MVB12B: variants seen among roughly 807,000 people sequenced by gnomAD.
MVB12B encodes multivesicular body subunit 12B, also known as ESCRT-I complex subunit MVB12B.
In MVB12B, 16 loss-of-function variants were observed where a neutral mutation model predicts 41.6. That is an observed-to-expected ratio of 0.38 (90% CI 0.26 to 0.58). MVB12B has a LOEUF of 0.58. MVB12B is among the 20% of genes least tolerant of loss of function. MVB12B has a pLI of 0.62. For synonymous variants in MVB12B, 133 were observed against 139.7 expected (o/e 0.95, Z 0.34); for missense variants, 274 against 380.2 (o/e 0.72, Z 2.32).
At chr9:126,405,368 G>A (rs1441158535) in intron 6 of MVB12B, among the ~76,000 whole-genome samples, 1 of 152,018 alleles carries the variant, frequency 6.6e-6, no homozygotes, top group Non-Finnish European at 1.5e-5. Context: ...TTTGAGAAAG[G>A]CTTTTTTCAG....
chr9:126,424,375 T>A (rs555653218), intron 7 of MVB12B, among the ~76,000 whole-genome samples: 1 of 152,180 alleles, frequency 6.6e-6, no homozygotes, highest in Admixed American at 6.5e-5. Flanking sequence ...TGTAGTCCCA[T>A]CCCTGGCACA....
chr9:126,366,181 C>A (rs1830176634), intron 2 of MVB12B, among the ~76,000 whole-genome samples: 1 of 152,050 alleles, frequency 6.6e-6, no homozygotes, highest in South Asian at 2.1e-4. Context: ...CAGCCACCAT[C>A]TTTGTATGCC....
chr9:126,445,010 T>C (rs1310663733), intron 7 of MVB12B, among the ~76,000 whole-genome samples: 1 of 152,204 alleles, frequency 6.6e-6, no homozygotes, highest in Non-Finnish European at 1.5e-5. Flanking sequence ...TTTGTAGTTA[T>C]TTTTCAGAAT....
intron 2 of MVB12B, among the ~76,000 whole-genome samples, chr9:126,374,467 C>T (rs1255544940): frequency 2.0e-5 from 3 of 152,234 alleles, no homozygotes; most frequent in African/African-American, 7.2e-5. Flanking sequence ...GTGACTGCTG[C>T]ACAGTGGCCC....
chr9:126,459,212 C>T lies in MVB12B; in HGVS notation c.758-22157C>T, dbSNP rs1833041430. ...GCACTGGTATTTCTTGATGCCTTGT[C>T]GTAAACTCAGAGTGTCACGAGCCTG... is the stretch of plus-strand genomic sequence containing the variant. On this transcript the variant is annotated intron_variant, in intron 7 of 9. Coordinates refer to ENST00000361171, the MANE Select transcript of MVB12B (RefSeq NM_033446.3). This position sits in a 1 kb window ranked among gnomAD's most constrained non-coding sequence, Gnocchi z 4.3. Among the ~76,000 whole-genome samples, 2 of 152,186 alleles carry T rather than the reference C, an allele frequency of 1.3e-5. No individual in the cohort carries two copies. The highest frequency in any genetic ancestry group is 1.3e-4 in the Admixed American group (2 of 15,280).
At chr9:126,427,224 T>G (rs1035133383) in intron 7 of MVB12B, among the ~76,000 whole-genome samples, 13 of 152,208 alleles carry the variant, frequency 8.5e-5, no homozygotes, top group African/African-American at 2.7e-4. Context: ...TATATCCATG[T>G]ATTGGGGGGA....
chr9:126,356,922 G>C (rs890862200), intron 2 of MVB12B, among the ~76,000 whole-genome samples: 2 of 151,874 alleles, frequency 1.3e-5, no homozygotes, highest in Non-Finnish European at 2.9e-5. Flanking sequence ...CCGGTGCCAT[G>C]CTTGTATAGG....
At chr9:126,421,753 G>A (rs547944153) in intron 6 of MVB12B, 101 bp from the exon 7 acceptor site, 7 of 875,514 alleles carry the variant, frequency 8.0e-6, no homozygotes, top group South Asian at 2.8e-5. Flanking sequence ...TGCTCTGCCC[G>A]CTGATCTGTG....
At chr9:126,424,921 C>A (rs577531385) in intron 7 of MVB12B, among the ~76,000 whole-genome samples, 2 of 152,334 alleles carry the variant, frequency 1.3e-5, no homozygotes, top group East Asian at 3.9e-4. Context: ...TACTTCAAGT[C>A]AGGGGTGGGA....
At chr9:126,384,870 T>G (rs1830732562) in intron 3 of MVB12B, among the ~76,000 whole-genome samples, 1 of 139,442 alleles carries the variant, frequency 7.2e-6, no homozygotes, top group African/African-American at 2.7e-5. Context: ...AGAGTCTCAC[T>G]CTATTGCCCA....
chr9:126,497,576 G>GC, intron 9 of MVB12B, among the ~76,000 whole-genome samples: 1 of 152,214 alleles, frequency 6.6e-6, no homozygotes, highest in East Asian at 1.9e-4. Flanking sequence ...TGAGCTCCAG[G>GC]CCCAGCTACA....
intron 7 of MVB12B, among the ~76,000 whole-genome samples, chr9:126,439,054 T>C (rs1832566299): frequency 6.6e-6 from 1 of 152,106 alleles, no homozygotes. Flanking sequence ...GTTTAAAGGG[T>C]TCGATTCCCT....
chr9:126,449,384 C>T (rs1389201442), intron 7 of MVB12B, among the ~76,000 whole-genome samples: 1 of 152,150 alleles, frequency 6.6e-6, no homozygotes, highest in African/African-American at 2.4e-5. Context: ...AGAAGACCCG[C>T]AGGCCCTTTC....
intron 2 of MVB12B, among the ~76,000 whole-genome samples, chr9:126,359,469 T>A (rs1089424): frequency 0.99 from 150,466 of 152,288 alleles, 74,367 homozygotes; most frequent in Middle Eastern, 1. Context: ...TATTTAATGT[T>A]TATTTGGTAT....
At chr9:126,489,127 A>T (rs1833680464) in intron 9 of MVB12B, among the ~76,000 whole-genome samples, 2 of 152,218 alleles carry the variant, frequency 1.3e-5, no homozygotes, top group South Asian at 4.1e-4. Flanking sequence ...GGGCCCGGAC[A>T]GCCAGGCTGC....
chr9:126,421,577 G>GC (rs904945018), intron 6 of MVB12B, among the ~76,000 whole-genome samples: 5 of 152,180 alleles, frequency 3.3e-5, no homozygotes, highest in Admixed American at 2.0e-4. Flanking sequence ...AGTCCCTTGG[G>GC]CCCGCTGTAA....
rs374193974 is a variant in MVB12B, at chr9:126,505,537, TTAAGA to T, written c.*2279_*2283del. ...TGTGAACGTTGTAGTAAACGGCAGCTTAAGATAAGTAAGCAGAGACAGTGTTAAGG... is the reference window on the plus strand; with the variant it reads ...TGTGAACGTTGTAGTAAACGGCAGCTTAAGTAAGCAGAGACAGTGTTAAGG... On this transcript the variant is annotated 3_prime_UTR_variant, in exon 10 of 10. Transcript: ENST00000361171. 2 of 152,212 alleles carry T rather than the reference TTAAGA, an allele frequency of 1.3e-5. No individual in the cohort carries two copies. The highest frequency in any genetic ancestry group is 2.9e-5 in the Non-Finnish European group (2 of 68,038). 9.4% of individuals were successfully genotyped at this position (152,212 alleles called of 1,614,324 possible).
At chr9:126,437,964 C>T (rs577825984) in intron 7 of MVB12B, among the ~76,000 whole-genome samples, 2 of 152,286 alleles carry the variant, frequency 1.3e-5, no homozygotes, top group South Asian at 4.1e-4. Context: ...TTGACCAACA[C>T]AGTTATTCTA....
chr9:126,479,718 G>A (rs752007736), intron 7 of MVB12B, among the ~76,000 whole-genome samples: 2 of 152,336 alleles, frequency 1.3e-5, no homozygotes, highest in Middle Eastern at 3.4e-3. Context: ...ACTGGGCAGC[G>A]GCCCTTCCAA....
Sources: gnomAD v4.1 joint callset for allele counts (sites outside exome capture counted in the v4.1 genomes callset) on GRCh38, gnomAD v4.1.1 for gene constraint, Gnocchi (gnomAD v3.1) non-coding constraint, MANE v1.5 for transcripts, NCBI Gene and HGNC (gene_info 2026-07-23, HGNC 2026-07-21) for gene names.